The following EIF4EBP1 variants were observed in gnomAD, a reference collection of about 807,000 sequenced individuals.
The protein encoded by EIF4EBP1 is eukaryotic translation initiation factor 4E binding protein 1.
A neutral mutation model predicts 9.2 loss-of-function variants in EIF4EBP1; 5 were observed. That is an observed-to-expected ratio of 0.54 (90% confidence interval 0.28 to 1.14). The LOEUF (loss-of-function observed/expected upper bound fraction) is 1.14, where lower values mean the gene tolerates loss of function less well. Among genes scored for constraint, EIF4EBP1 ranks in the 50% most tolerant of loss-of-function variants. The pLI is 0.09. For missense variants in EIF4EBP1, 139 were observed against 169.6 expected, an observed-to-expected ratio of 0.82 and a Z score of 1.00; for synonymous variants, 62 against 67.0, an observed-to-expected ratio of 0.93 and a Z score of 0.36.
At chr8:38,054,824 G>C (rs1166693574) in intron 1 of EIF4EBP1, among the ~76,000 whole-genome samples, 3 of 152,168 alleles carry the variant, frequency 2.0e-5, no homozygotes, top group Admixed American at 6.6e-5. Context: ...TGTAATCTGG[G>C]CTCATAGGCA....
chr8:38,038,972 A>T (rs1399281034), intron 1 of EIF4EBP1, among the ~76,000 whole-genome samples: 1 of 151,450 alleles, frequency 6.6e-6, no homozygotes, highest in Non-Finnish European at 1.5e-5. Context: ...GGCTCACTGC[A>T]ACCTCTGCCT....
intron 1 of EIF4EBP1, among the ~76,000 whole-genome samples, chr8:38,047,787 A>C (rs899918219): frequency 6.6e-6 from 1 of 152,178 alleles, no homozygotes; most frequent in Admixed American, 6.6e-5. Flanking sequence ...GCCCAGCCTG[A>C]ATCACTTTTT....
At chr8:38,052,939 T>C (rs967056200) in intron 1 of EIF4EBP1, among the ~76,000 whole-genome samples, 1 of 152,216 alleles carries the variant, frequency 6.6e-6, no homozygotes, top group Non-Finnish European at 1.5e-5. Context: ...AAAATTAGGA[T>C]TCTTATTTTT....
intron 1 of EIF4EBP1, among the ~76,000 whole-genome samples, chr8:38,049,012 C>T (rs1029034152): frequency 6.6e-6 from 1 of 151,420 alleles, no homozygotes; most frequent in African/African-American, 2.4e-5. Context: ...GTAATCCCAG[C>T]TACTCGGGAG....
rs544247480 is a variant in EIF4EBP1, at chr8:38,036,002, C to T, written c.145+5284C>T. 4.5e-3 allele frequency among the ~76,000 whole-genome samples: 667 copies of T among 149,842 alleles called. 5 individuals carry two copies. Among genetic ancestry groups the T allele is most frequent in the African/African-American group, 0.015 (627 of 40,708 alleles). On this transcript the variant is annotated intron_variant, in intron 1 of 2. Coordinates refer to ENST00000338825, the MANE Select transcript of EIF4EBP1 (RefSeq NM_004095.4). ...CATTACAGCCATGAGTCACCGCGCC[C>T]GGCCTATTTTATTTTATTTTTGAGG...
intron 1 of EIF4EBP1, among the ~76,000 whole-genome samples, chr8:38,034,963 T>G (rs187089764): frequency 6.6e-6 from 1 of 152,174 alleles, no homozygotes; most frequent in Non-Finnish European, 1.5e-5. Flanking sequence ...CCTTTTAAAG[T>G]GTTTGAAGGA....
At chr8:38,049,234 C>A (rs1195209074) in intron 1 of EIF4EBP1, among the ~76,000 whole-genome samples, 1 of 151,982 alleles carries the variant, frequency 6.6e-6, no homozygotes, top group African/African-American at 2.4e-5. Flanking sequence ...AATTTTCTGT[C>A]AGATTGTGAA....
At chr8:38,034,724 T>C (rs1281853560) in intron 1 of EIF4EBP1, among the ~76,000 whole-genome samples, 2 of 152,182 alleles carry the variant, frequency 1.3e-5, no homozygotes, top group Admixed American at 1.3e-4. Flanking sequence ...GCAAACAAGG[T>C]CTGTGCCCAG....
At chr8:38,044,579 T>C (rs1809426835) in intron 1 of EIF4EBP1, among the ~76,000 whole-genome samples, 2 of 152,154 alleles carry the variant, frequency 1.3e-5, no homozygotes, top group Non-Finnish European at 2.9e-5. Context: ...GCTGGGATCA[T>C]AGGCGCACGC....
At chr8:38,053,140 C>T (rs975064243) in intron 1 of EIF4EBP1, among the ~76,000 whole-genome samples, 9 of 152,092 alleles carry the variant, frequency 5.9e-5, no homozygotes, top group African/African-American at 2.2e-4. Context: ...GCTTCAACCT[C>T]CCAAGTAGCT....
intron 1 of EIF4EBP1, among the ~76,000 whole-genome samples, chr8:38,035,912 T>C (rs1189639693): frequency 6.6e-6 from 1 of 151,020 alleles, no homozygotes; most frequent in Non-Finnish European, 1.5e-5. Context: ...TTTCACCACG[T>C]TGGCCAGGCT....
intron 1 of EIF4EBP1, among the ~76,000 whole-genome samples, chr8:38,048,394 A>T (rs189816749): frequency 0.012 from 1,759 of 152,206 alleles, 7 homozygotes; most frequent in South Asian, 0.017. Flanking sequence ...TATATTTTTT[A>T]AAAAAAGCAG....
chr8:38,053,163 G>T (rs1809549088), intron 1 of EIF4EBP1, among the ~76,000 whole-genome samples: 1 of 151,992 alleles, frequency 6.6e-6, no homozygotes, highest in Admixed American at 6.6e-5. Context: ...GATTACAGGG[G>T]TGTGCCACCA....
intron 1 of EIF4EBP1, among the ~76,000 whole-genome samples, chr8:38,035,246 T>G (rs1288776283): frequency 3.3e-5 from 5 of 152,148 alleles, no homozygotes; most frequent in Non-Finnish European, 7.3e-5. Flanking sequence ...AGACAGAGTT[T>G]CGCTCTTGTT....
chr8:38,032,013 A>T (rs1809231660), intron 1 of EIF4EBP1, among the ~76,000 whole-genome samples: 1 of 152,218 alleles, frequency 6.6e-6, no homozygotes, highest in Non-Finnish European at 1.5e-5. Flanking sequence ...GGTCTTTTGT[A>T]GTCCATGCTG....
chr8:38,030,741 C>A (rs754246125), intron 1 of EIF4EBP1, 23 bp downstream of exon 1: 3 of 1,374,384 alleles, frequency 2.2e-6, no homozygotes, highest in Non-Finnish European at 2.8e-6. Context: ...TTGGCGACGC[C>A]GCTTGCCGGC....
chr8:38,031,563 G>A (rs538880107), intron 1 of EIF4EBP1, among the ~76,000 whole-genome samples: 2 of 152,204 alleles, frequency 1.3e-5, no homozygotes, highest in Admixed American at 6.5e-5. Flanking sequence ...TCTCATTGTC[G>A]CACTGCCCCC....
At chr8:38,052,075 G>A (rs566444315) in intron 1 of EIF4EBP1, among the ~76,000 whole-genome samples, 30 of 152,254 alleles carry the variant, frequency 2.0e-4, no homozygotes, top group Non-Finnish European at 4.3e-4. Context: ...CCACCCTAGC[G>A]TGATGCCACT....
chr8:38,056,012 G>A (rs1585531900), intron 1 of EIF4EBP1, among the ~76,000 whole-genome samples: 3 of 152,066 alleles, frequency 2.0e-5, no homozygotes, highest in Non-Finnish European at 2.9e-5. Context: ...TCTCCGCAAA[G>A]CCCAGGCATT....
Sources: allele counts gnomAD v4.1 joint callset (sites outside exome capture counted in the v4.1 genomes callset), GRCh38; gene constraint gnomAD v4.1.1; transcripts MANE v1.5; gene names NCBI Gene and HGNC (gene_info 2026-07-23, HGNC 2026-07-21).